Variants in NEK3 observed in about 807,000 individuals in gnomAD.
The protein encoded by NEK3 is NIMA related kinase 3, also known as serine/threonine-protein kinase Nek3.
A neutral mutation model predicts 66.0 loss-of-function variants in NEK3; 54 were observed. The observed-to-expected ratio is 0.82, with a 90% confidence interval of 0.66 to 1.03. NEK3 has a LOEUF of 1.03. Ranked by LOEUF, NEK3 falls within the 50% of genes least tolerant of loss-of-function variation. NEK3 has a pLI of 0.00. For synonymous variants in NEK3, 200 were observed against 206.2 expected, an observed-to-expected ratio of 0.97 and a Z score of 0.26; for missense variants, 593 against 603.0, an observed-to-expected ratio of 0.98 and a Z score of 0.17.
At position 52,133,098 on chromosome 13, in the gene NEK3, G is replaced by A. The variant is rs1956167313; in HGVS notation, c.*44C>T. The A allele has an allele frequency of 6.8e-7, 1 of 1,481,406 alleles. No individual in the cohort carries two copies. The allele number at this position is 1,481,406 out of a possible 1,614,324, so 91.8% of individuals were successfully genotyped here. A position where few individuals can be genotyped will look rare whatever the true frequency, so the allele number is the denominator to read the frequency against. On this transcript the variant is annotated 3_prime_UTR_variant, in exon 16 of 16. Coordinates refer to ENST00000610828, the MANE Select transcript of NEK3 (RefSeq NM_002498.3). ...TGATCATCTCAGCATGAACTCCTGA[G>A]TGAAGCCTCTCCTCAGCGTGACTCA...
At chr13:52,138,912 CAG>C (rs144734519) in intron 11 of NEK3, among the ~76,000 whole-genome samples, 204 of 146,386 alleles carry the variant, frequency 1.4e-3, no homozygotes, top group Non-Finnish European at 1.3e-3. Context: ...GCCTAGACAA[CAG>C]AGAGAGAGAG....
chr13:52,149,766 A>AGCT (rs772057725), intron 7 of NEK3, among the ~76,000 whole-genome samples: 8 of 151,922 alleles, frequency 5.3e-5, no homozygotes, highest in Middle Eastern at 3.2e-3. Flanking sequence ...CTACTCAGGA[A>AGCT]GCTGAGGCAG....
intron 2 of NEK3, 24 bp downstream of exon 2, chr13:52,156,051 T>G: frequency 3.1e-4 from 442 of 1,433,908 alleles, no homozygotes; most frequent in Non-Finnish European, 3.9e-4. Context: ...ACTTTCAAAG[T>G]GAGCTAATTT....
intron 1 of NEK3, 158 bp downstream of exon 1, chr13:52,159,385 C>G (rs967779721): frequency 6.6e-6 from 1 of 152,376 alleles, no homozygotes; most frequent in South Asian, 2.1e-4. Context: ...GAGGGACTTG[C>G]GGGTTTGCGG....
chr13:52,152,285 T>C (rs1351150420), intron 5 of NEK3, among the ~76,000 whole-genome samples: 3 of 152,180 alleles, frequency 2.0e-5, no homozygotes, highest in African/African-American at 7.2e-5. Flanking sequence ...ACTTAAAAAG[T>C]GCTGAGAGTA....
At chr13:52,154,774 T>C (rs916400699) in intron 2 of NEK3, among the ~76,000 whole-genome samples, 6 of 149,584 alleles carry the variant, frequency 4.0e-5, no homozygotes, top group African/African-American at 1.5e-4. Flanking sequence ...CCATTGTTAG[T>C]TGGGTGTGGT....
At chr13:52,151,099 T>C (rs747291190) in intron 7 of NEK3, 47 bp downstream of exon 7, 7 of 1,457,662 alleles carry the variant, frequency 4.8e-6, no homozygotes, top group Non-Finnish European at 3.8e-6. Context: ...CAGGCTAAAA[T>C]GCCTGTCACC....
intron 7 of NEK3, among the ~76,000 whole-genome samples, chr13:52,149,123 T>A (rs8000683): frequency 6.6e-6 from 1 of 151,764 alleles, no homozygotes; most frequent in African/African-American, 2.4e-5. Flanking sequence ...ATGGTCTCAA[T>A]CTCCTGACCT....
intron 12 of NEK3, 67 bp from the exon 13 acceptor site, chr13:52,136,326 T>C (rs1346685292): frequency 7.5e-6 from 11 of 1,468,568 alleles, no homozygotes; most frequent in East Asian, 2.3e-5. Context: ...TGTCCACACA[T>C]AGACTCTAAC....
chr13:52,143,549 A>T (rs1376209756), intron 10 of NEK3, among the ~76,000 whole-genome samples: 4 of 152,198 alleles, frequency 2.6e-5, no homozygotes, highest in African/African-American at 7.2e-5. Flanking sequence ...GGTTCTTCAG[A>T]AACTTGGGAT....
chr13:52,134,610 A>G (rs1256338233), intron 14 of NEK3, among the ~76,000 whole-genome samples: 2 of 152,196 alleles, frequency 1.3e-5, no homozygotes, highest in African/African-American at 4.8e-5. Context: ...ACATGGGCCG[A>G]ATCTTCTAAA....
Position 52,136,264 on chromosome 13 carries a change from T to C in NEK3, c.1031-5A>G, listed in dbSNP as rs1336994000. On this transcript the variant is annotated splice_polypyrimidine_tract_variant and splice_region_variant and intron_variant, in intron 12 of 15. Coordinates refer to ENST00000610828, the MANE Select transcript of NEK3 (RefSeq NM_002498.3). ...TCAGATGGACTGACTTATTACCTGA[T>C]TTTAAAGTGTGAAAAAGGAATGCCA... 3 of 1,613,412 alleles carry C rather than the reference T, an allele frequency of 1.9e-6. No homozygotes were observed. The highest frequency in any genetic ancestry group is 1.3e-5 in the African/African-American group (1 of 75,042).
intron 15 of NEK3, 131 bp downstream of exon 15, chr13:52,133,558 T>G: frequency 8.2e-7 from 1 of 1,221,954 alleles, no homozygotes; most frequent in East Asian, 2.6e-5. Context: ...CCATTTATGA[T>G]GAAAAGTAAT....
intron 14 of NEK3, among the ~76,000 whole-genome samples, chr13:52,134,201 T>G (rs1422142111): frequency 1.3e-5 from 2 of 152,112 alleles, no homozygotes; most frequent in Non-Finnish European, 2.9e-5. Context: ...TGGCTAATTT[T>G]TTTAGTAGAG....
chr13:52,158,030 A>C (rs1956409495), intron 1 of NEK3, among the ~76,000 whole-genome samples: 2 of 152,168 alleles, frequency 1.3e-5, no homozygotes, highest in African/African-American at 4.8e-5. Context: ...GGCATGCGCC[A>C]CCACGCCCGG....
intron 4 of NEK3, among the ~76,000 whole-genome samples, chr13:52,153,278 G>A (rs1400074099): frequency 6.6e-6 from 1 of 151,606 alleles, no homozygotes; most frequent in Non-Finnish European, 1.5e-5. Context: ...TTCCTTCTAC[G>A]GAACCCACAT....
chr13:52,154,802 G>A lies in NEK3; in HGVS notation c.118-629C>T, dbSNP rs1309866046. Among the ~76,000 whole-genome samples, 3 of 148,278 alleles carry A rather than the reference G, an allele frequency of 2.0e-5. No homozygotes were observed. In the East Asian group the frequency reaches 6.5e-4, roughly 32 times the overall value. Reference sequence around the variant, plus strand: ...GGTGTGGTGGCTACCCTCCCCAGTGGCTGGGACTATAGATGTAGACTATAG... The same window carrying A: ...GGTGTGGTGGCTACCCTCCCCAGTGACTGGGACTATAGATGTAGACTATAG... On this transcript the variant is annotated intron_variant, in intron 2 of 15. Transcript: ENST00000610828.
chr13:52,153,797 TA>T, intron 4 of NEK3, 97 bp downstream of exon 4: 1 of 778,914 alleles, frequency 1.3e-6, no homozygotes, highest in Non-Finnish European at 2.1e-6. Context: ...CCTTCTCGGG[TA>T]ATTACAGATA....
chr13:52,136,507 T>A lies in NEK3; in HGVS notation c.1031-248A>T, dbSNP rs1956207670. On this transcript the variant is annotated intron_variant, in intron 12 of 15. Transcript: ENST00000610828. ...AAATAATATGTATATAGTTACATAT[T>A]CTATATTATACAAGAATGAAGCCCT... 2.6e-5 allele frequency among the ~76,000 whole-genome samples: 4 copies of A among 152,144 alleles called. No homozygotes were observed. In the South Asian group the frequency reaches 8.3e-4, roughly 31 times the overall value.
Sources: allele counts gnomAD v4.1 joint callset (sites outside exome capture counted in the v4.1 genomes callset), GRCh38; gene constraint gnomAD v4.1.1; transcripts MANE v1.5; gene names NCBI Gene and HGNC (gene_info 2026-07-23, HGNC 2026-07-21).